The following SH2D4B variants were observed in gnomAD, a reference collection of about 807,000 sequenced individuals.
SH2D4B encodes the protein SH2 domain containing 4B.
A neutral mutation model predicts 61.5 loss-of-function variants in SH2D4B; 45 were observed. The observed-to-expected ratio is 0.73, with a 90% CI of 0.58 to 0.94. The LOEUF is 0.94. Ranked by LOEUF, SH2D4B falls within the 40% of genes least tolerant of loss-of-function variation. The probability of loss-of-function intolerance (pLI) is 0.00; values close to 1 mark genes in which losing one functional copy is unlikely to be tolerated. For missense variants in SH2D4B, 572 were observed against 574.2 expected (o/e 1.00, Z 0.04); for synonymous variants, 224 against 220.4 (o/e 1.02, Z -0.14).
chr10:80,568,177 CTA>C (rs1299582693), intron 1 of SH2D4B, among the ~76,000 whole-genome samples: 1 of 151,392 alleles, frequency 6.6e-6, no homozygotes, highest in Non-Finnish European at 1.5e-5. Flanking sequence ...CTTAATGTGG[CTA>C]TGTTAGTCTG....
intron 1 of SH2D4B, among the ~76,000 whole-genome samples, chr10:80,542,807 C>T (rs913203696): frequency 4.6e-5 from 7 of 152,120 alleles, no homozygotes; most frequent in East Asian, 1.9e-4. Flanking sequence ...CTTTCCCTCC[C>T]GCTCTTCCCA....
intron 6 of SH2D4B, among the ~76,000 whole-genome samples, chr10:80,620,654 A>C (rs1286988920): frequency 6.6e-6 from 1 of 152,202 alleles, no homozygotes; most frequent in East Asian, 1.9e-4. Context: ...CAGCTCTGCC[A>C]TTTATTAGCT....
chr10:80,540,796 G>A lies in SH2D4B; in HGVS notation c.184+2281G>A, dbSNP rs1841567362. ...ATCATAGGGAACACAGCCAACTCGAGTGCCAAGGGTGAGGCTTGGTTCAAA... is the reference window on the plus strand; with the variant it reads ...ATCATAGGGAACACAGCCAACTCGAATGCCAAGGGTGAGGCTTGGTTCAAA... On this transcript the variant is annotated intron_variant, in intron 1 of 7. Coordinates refer to ENST00000646907, the MANE Select transcript of SH2D4B (RefSeq NM_001388272.1). The A allele has an allele frequency of 3.2e-6, 5 of 1,545,894 alleles. No homozygotes were observed. The South Asian group carries it at 3.6e-5, about 11-fold the overall frequency.
chr10:80,584,306 G>A (rs1266368428), intron 3 of SH2D4B, among the ~76,000 whole-genome samples: 1 of 152,186 alleles, frequency 6.6e-6, no homozygotes, highest in Non-Finnish European at 1.5e-5. Context: ...GTGCAGATGG[G>A]AGAAGAAAAG....
At chr10:80,546,384 C>T (rs1243475889) in intron 1 of SH2D4B, among the ~76,000 whole-genome samples, 4 of 151,932 alleles carry the variant, frequency 2.6e-5, no homozygotes, top group Non-Finnish European at 5.9e-5. Flanking sequence ...AGGATTTGAA[C>T]TTGGGTTTTA....
chr10:80,563,799 A>G (rs1224306171), intron 1 of SH2D4B, among the ~76,000 whole-genome samples: 1 of 152,214 alleles, frequency 6.6e-6, no homozygotes, highest in Non-Finnish European at 1.5e-5. Flanking sequence ...GATGCATTAT[A>G]TGTGCTGAGT....
At chr10:80,600,787 A>T (rs186421472) in intron 4 of SH2D4B, among the ~76,000 whole-genome samples, 1 of 152,278 alleles carries the variant, frequency 6.6e-6, no homozygotes, top group East Asian at 1.9e-4. Flanking sequence ...CCGGCTCCCT[A>T]GTCTGCATAC....
intron 1 of SH2D4B, among the ~76,000 whole-genome samples, chr10:80,562,894 CTTTTTTTTTTTT>C (rs34539206): frequency 5.0e-4 from 37 of 74,702 alleles, no homozygotes; most frequent in Admixed American, 2.4e-3. Flanking sequence ...AACATTTTTT[CTTTTTTTTTTTT>C]TTTTTTTTTT....
Position 80,603,559 on chromosome 10 carries a change from T to A in SH2D4B, c.644-20T>A, listed in dbSNP as rs755465598. 6.6e-7 allele frequency: 1 copy of A among 1,521,996 alleles called. No homozygotes were observed. Among genetic ancestry groups the A allele is most frequent in the Non-Finnish European group, 8.9e-7 (1 of 1,127,004 alleles). The allele number at this position is 1,521,996 out of a possible 1,614,324, so 94.3% of individuals were successfully genotyped here. On this transcript the variant is annotated intron_variant, in intron 4 of 7. Transcript: ENST00000646907. ...CCTGGGCTGCGGATCTGGGCTAACG[T>A]GCTGTCTTCCTCTTTCCAGTGCGCC... is the stretch of plus-strand genomic sequence containing the variant.
rs7087372 is a variant in SH2D4B at position 80,541,957 on chromosome 10, C to T, written c.184+3442C>T. 4.3e-3 allele frequency among the ~76,000 whole-genome samples: 661 copies of T among 152,246 alleles called. 4 individuals carry two copies. The highest frequency in any genetic ancestry group is 0.015 in the African/African-American group (625 of 41,540). ...GCATTTCTTTTCTGTTTTCACTTTA[C>T]GCTTTGGCAAGAACCCTCTGATGTT... On this transcript the variant is annotated intron_variant, in intron 1 of 7. Transcript: ENST00000646907.
intron 1 of SH2D4B, among the ~76,000 whole-genome samples, chr10:80,559,637 A>AT (rs773552620): frequency 0.12 from 15,207 of 129,922 alleles, 1,822 homozygotes; most frequent in African/African-American, 0.31. Context: ...GTGGTCCTGC[A>AT]TTTTTTTTTT....
intron 1 of SH2D4B, among the ~76,000 whole-genome samples, chr10:80,560,859 A>G (rs1277321911): frequency 6.6e-6 from 1 of 152,002 alleles, no homozygotes; most frequent in Non-Finnish European, 1.5e-5. Flanking sequence ...CTAAGAGGTT[A>G]TTTACTTTCT....
chr10:80,625,109 C>A (rs1334635160), intron 6 of SH2D4B, among the ~76,000 whole-genome samples: 2 of 152,130 alleles, frequency 1.3e-5, no homozygotes, highest in Non-Finnish European at 2.9e-5. Flanking sequence ...AGCTTTTCAA[C>A]CTAATATAAA....
chr10:80,563,849 T>C (rs1841936219), intron 1 of SH2D4B, among the ~76,000 whole-genome samples: 1 of 152,236 alleles, frequency 6.6e-6, no homozygotes, highest in African/African-American at 2.4e-5. Context: ...ACTATCTATA[T>C]ATCATCCTTA....
chr10:80,644,110 A>C lies in SH2D4B; in HGVS notation c.*25A>C. ...ATTTTTTTCCTTATCAATTGGATTC[A>C]TTTTGGTATCCTGTTTTTGAACTCA... On this transcript the variant is annotated 3_prime_UTR_variant, in exon 8 of 8. Transcript: ENST00000646907. The C allele has an allele frequency of 6.3e-7, 1 of 1,582,916 alleles. No individual in the cohort carries two copies. Among genetic ancestry groups the C allele is most frequent in the Non-Finnish European group, 8.7e-7 (1 of 1,152,492 alleles).
At chr10:80,573,572 TTTA>T (rs1164127436) in intron 3 of SH2D4B, among the ~76,000 whole-genome samples, 3 of 152,210 alleles carry the variant, frequency 2.0e-5, no homozygotes, top group Non-Finnish European at 2.9e-5. Context: ...CCCCATATTA[TTTA>T]TTATGTAATC....
intron 7 of SH2D4B, among the ~76,000 whole-genome samples, chr10:80,640,603 A>C (rs1840274745): frequency 6.6e-6 from 1 of 152,166 alleles, no homozygotes; most frequent in African/African-American, 2.4e-5. Flanking sequence ...TTGTGCATGC[A>C]TCACACAGTT....
At chr10:80,543,609 CG>C (rs1042245095) in intron 1 of SH2D4B, among the ~76,000 whole-genome samples, 9 of 152,236 alleles carry the variant, frequency 5.9e-5, no homozygotes, top group Admixed American at 4.6e-4. Flanking sequence ...GCGCACCGCG[CG>C]GGACTGGCAG....
chr10:80,576,595 C>T (rs1335426094), intron 3 of SH2D4B, among the ~76,000 whole-genome samples: 1 of 152,182 alleles, frequency 6.6e-6, no homozygotes. Context: ...ATAGTTAAGC[C>T]TAGGCTAAAA....
Sources: gnomAD v4.1 joint callset for allele counts (sites outside exome capture counted in the v4.1 genomes callset) on GRCh38, gnomAD v4.1.1 for gene constraint, MANE v1.5 for transcripts, NCBI Gene and HGNC (gene_info 2026-07-23, HGNC 2026-07-21) for gene names.